Variants in TEX9 observed in about 807,000 individuals in gnomAD.
TEX9 encodes the protein testis-expressed protein 9.
In TEX9, 74 loss-of-function variants were observed where a neutral mutation model predicts 59.6. That is an observed-to-expected ratio of 1.24 (90% confidence interval 1.03 to 1.51). The LOEUF (loss-of-function observed/expected upper bound fraction) is 1.51, where lower values mean the gene tolerates loss of function less well. Ranked by LOEUF, TEX9 falls within the 40% of genes most tolerant of loss-of-function variation. The probability of loss-of-function intolerance (pLI) is 0.00; values close to 1 mark genes in which losing one functional copy is unlikely to be tolerated. For missense variants in TEX9, 522 were observed against 447.8 expected, an observed-to-expected ratio of 1.17 and a Z score of -1.49; for synonymous variants, 186 against 152.2, an observed-to-expected ratio of 1.22 and a Z score of -1.64.
intron 1 of TEX9, among the ~76,000 whole-genome samples, chr15:56,271,387 A>T (rs1212679604): frequency 6.6e-6 from 1 of 151,972 alleles, no homozygotes; most frequent in East Asian, 1.9e-4. Context: ...CATTAATTTC[A>T]TCTTGAATCA....
intron 12 of TEX9, among the ~76,000 whole-genome samples, chr15:56,436,171 C>T (rs1033045627): frequency 6.6e-5 from 10 of 152,098 alleles, no homozygotes; most frequent in African/African-American, 9.7e-5. Flanking sequence ...CAGCACCACA[C>T]CGCACTTATT....
chr15:56,452,479 A>G, the TEX9 span, among the ~76,000 whole-genome samples: 8 of 151,902 alleles, frequency 5.3e-5, no homozygotes, highest in African/African-American at 1.9e-4. Flanking sequence ...CAGAAAGAAA[A>G]TGGGTATTCA....
chr15:56,280,270 C>T (rs1014102668), intron 1 of TEX9, among the ~76,000 whole-genome samples: 1 of 152,136 alleles, frequency 6.6e-6, no homozygotes, highest in Non-Finnish European at 1.5e-5. Flanking sequence ...ACCCACCCCA[C>T]CCCCAGCCAT....
the TEX9 span, among the ~76,000 whole-genome samples, chr15:56,452,482 G>C: frequency 6.6e-6 from 1 of 151,730 alleles, no homozygotes; most frequent in African/African-American, 2.4e-5. Context: ...AAAGAAAATG[G>C]GTATTCAGTA....
At chr15:56,358,089 C>G (rs1264278541) in intron 1 of TEX9, among the ~76,000 whole-genome samples, 1 of 152,102 alleles carries the variant, frequency 6.6e-6, no homozygotes, top group African/African-American at 2.4e-5. Flanking sequence ...GTCTAAATGA[C>G]TTTTAGCCTT....
At chr15:56,247,710 T>C (rs2043894536) in intron 1 of TEX9, among the ~76,000 whole-genome samples, 1 of 152,206 alleles carries the variant, frequency 6.6e-6, no homozygotes, top group African/African-American at 2.4e-5. Flanking sequence ...TGAAAGTCGG[T>C]TTCATTATTG....
chr15:56,436,718 A>G (rs911147378), intron 12 of TEX9, among the ~76,000 whole-genome samples: 3 of 152,138 alleles, frequency 2.0e-5, no homozygotes, highest in Non-Finnish European at 4.4e-5. Context: ...AGCAAGACTC[A>G]TAACAAAGAA....
At chr15:56,429,395 A>G in intron 12 of TEX9, 1 of 429,050 alleles carries the variant, frequency 2.3e-6, no homozygotes, top group Middle Eastern at 6.1e-4. Context: ...GACTGACCCA[A>G]TTTTCTGATT....
At chr15:56,367,433 A>T (rs1294025395) in intron 2 of TEX9, among the ~76,000 whole-genome samples, 1 of 152,186 alleles carries the variant, frequency 6.6e-6, no homozygotes, top group East Asian at 1.9e-4. Flanking sequence ...AGGGACCTCA[A>T]TCCAAAACCT....
At chr15:56,281,563 T>G (rs1399413624) in intron 1 of TEX9, among the ~76,000 whole-genome samples, 2 of 152,120 alleles carry the variant, frequency 1.3e-5, no homozygotes, top group African/African-American at 2.4e-5. Context: ...GCCCCACTCT[T>G]AAGTCCGTGG....
intron 12 of TEX9, among the ~76,000 whole-genome samples, chr15:56,430,827 T>C (rs1294445394): frequency 1.3e-5 from 2 of 152,196 alleles, no homozygotes; most frequent in African/African-American, 4.8e-5. Flanking sequence ...ACAGTTGTTC[T>C]AGGGTAGCTT....
intron 12 of TEX9, chr15:56,443,546 T>A (rs750503178): frequency 3.3e-5 from 52 of 1,577,684 alleles, no homozygotes; most frequent in Non-Finnish European, 4.1e-5. Flanking sequence ...AACTATTAAA[T>A]TTTTTAAAAA....
intron 10 of TEX9, among the ~76,000 whole-genome samples, chr15:56,415,933 A>G (rs1349336487): frequency 6.6e-6 from 1 of 151,756 alleles, no homozygotes; most frequent in Non-Finnish European, 1.5e-5. Context: ...TTCTCATTGT[A>G]GAGATCTTGC....
intron 3 of TEX9, among the ~76,000 whole-genome samples, chr15:56,379,688 C>T (rs751191366): frequency 3.3e-5 from 5 of 152,066 alleles, no homozygotes; most frequent in Admixed American, 6.6e-5. Context: ...CTCTTTAGCT[C>T]GAATAATATT....
chr15:56,324,554 A>G (rs1404428517), intron 1 of TEX9, among the ~76,000 whole-genome samples: 1 of 152,242 alleles, frequency 6.6e-6, no homozygotes, highest in Non-Finnish European at 1.5e-5. Context: ...TTGGTAAAAT[A>G]TATAGTATTC....
chr15:56,437,504 A>G (rs1226502966), intron 12 of TEX9, among the ~76,000 whole-genome samples: 3 of 152,212 alleles, frequency 2.0e-5, no homozygotes, highest in African/African-American at 7.2e-5. Flanking sequence ...CCCACAGCCA[A>G]TATCATACTG....
downstream of TEX9, among the ~76,000 whole-genome samples, chr15:56,450,984 A>C (rs543260307): frequency 9.2e-5 from 14 of 152,350 alleles, no homozygotes; most frequent in African/African-American, 3.4e-4. Flanking sequence ...CTAATGACAA[A>C]TAATGTTGAG....
chr15:56,412,768 T>C (rs550285029), intron 10 of TEX9, among the ~76,000 whole-genome samples: 1 of 152,332 alleles, frequency 6.6e-6, no homozygotes, highest in South Asian at 2.1e-4. Flanking sequence ...AAGTCTTTTA[T>C]TCTTCTCTGA....
At chr15:56,298,124 A>G (rs2045259692) in intron 1 of TEX9, among the ~76,000 whole-genome samples, 1 of 152,314 alleles carries the variant, frequency 6.6e-6, no homozygotes, top group African/African-American at 2.4e-5. Context: ...AATTATGGCT[A>G]TTGTAATTTA....
Sources: gnomAD v4.1 joint callset for allele counts (sites outside exome capture counted in the v4.1 genomes callset) on GRCh38, gnomAD v4.1.1 for gene constraint, MANE v1.5 for transcripts, NCBI Gene and HGNC (gene_info 2026-07-23, HGNC 2026-07-21) for gene names.